The following OCM variants were observed in gnomAD, a reference collection of about 807,000 sequenced individuals.
OCM encodes oncomodulin.
A neutral mutation model predicts 14.1 loss-of-function variants in OCM; 18 were observed. The ratio of observed to expected loss-of-function variants is 1.28; its 90% CI spans 0.88 to 1.89. OCM has a LOEUF of 1.89. Among genes scored for constraint, OCM ranks in the 40% most tolerant of loss-of-function variants. The pLI is 0.00. For synonymous variants in OCM, 48 were observed against 51.0 expected, an observed-to-expected ratio of 0.94 and a Z score of 0.25; for missense variants, 140 against 137.6, an observed-to-expected ratio of 1.02 and a Z score of -0.09.
the OCM span, among the ~76,000 whole-genome samples, chr7:5,866,537 CCTT>C: frequency 6.6e-6 from 1 of 151,824 alleles, no homozygotes; most frequent in Admixed American, 6.6e-5. Context: ...TTTCCTGCCT[CCTT>C]GATAGGATGG....
At chr7:5,873,375 C>G in the OCM span, among the ~76,000 whole-genome samples, 1 of 151,946 alleles carries the variant, frequency 6.6e-6, no homozygotes, top group Non-Finnish European at 1.5e-5. Flanking sequence ...AAAACTCCAT[C>G]TCAAAAAAAA....
chr7:5,885,977 C>T (rs1271287085), intron 3 of OCM, 87 bp from the exon 4 acceptor site: 12 of 1,573,596 alleles, frequency 7.6e-6, no homozygotes, highest in Non-Finnish European at 1.0e-5. Flanking sequence ...TTGCTTCCTT[C>T]CCTCTTTGGA....
upstream of OCM, among the ~76,000 whole-genome samples, chr7:5,877,818 TCAA>T (rs1562528804): frequency 4.1e-5 from 1 of 24,210 alleles, no homozygotes; most frequent in African/African-American, 2.3e-4. Context: ...AGACTCCATC[TCAA>T]AAAAAAAAAA....
At chr7:5,883,810 G>C (rs1202435178) in intron 2 of OCM, 80 bp from the exon 3 acceptor site, 6 of 1,550,222 alleles carry the variant, frequency 3.9e-6, no homozygotes, top group Admixed American at 3.7e-5. Context: ...CAGGTGATAT[G>C]CTTAGAGGAA....
chr7:5,884,427 T>C (rs567803012), intron 3 of OCM, among the ~76,000 whole-genome samples: 14 of 152,320 alleles, frequency 9.2e-5, no homozygotes, highest in African/African-American at 3.1e-4. Flanking sequence ...GCCCTCTTCG[T>C]CTTCAAGGGT....
At chr7:5,862,569 G>A in the OCM span, among the ~76,000 whole-genome samples, 3 of 152,168 alleles carry the variant, frequency 2.0e-5, no homozygotes, top group Admixed American at 2.0e-4. Flanking sequence ...GATAAATGCA[G>A]CATGGCCCTA....
At chr7:5,874,447 G>C in the OCM span, among the ~76,000 whole-genome samples, 1 of 151,922 alleles carries the variant, frequency 6.6e-6, no homozygotes. Flanking sequence ...TATGTCAGAT[G>C]CATAGCATGA....
rs755888287 is a variant in OCM, at chr7:5,880,906, T to G, written c.17T>G (p.Val6Gly). MSITDVLSADDIAAAL... is the reference protein window; with the variant it reads MSITDGLSADDIAAAL... ...AGGTAGAAAATGAGCATCACGGACG[T>G]GCTCAGTGCTGACGACATTGCAGCA... The change falls in exon 1 of 4, where the codon GTG becomes GGG. Residue 6 changes from valine to glycine, a missense_variant. By Grantham distance (109) the Val-to-Gly change is moderately radical (BLOSUM62 -3). Transcript: ENST00000242104. The G allele has an allele frequency of 1.1e-5, 17 of 1,613,856 alleles. No individual in the cohort carries two copies. Among genetic ancestry groups the G allele is most frequent in the African/African-American group, 8.0e-5 (6 of 74,878 alleles).
At chr7:5,863,470 C>T in the OCM span, among the ~76,000 whole-genome samples, 3 of 150,658 alleles carry the variant, frequency 2.0e-5, no homozygotes, top group South Asian at 6.3e-4. Context: ...GAGAGGGTGG[C>T]AGGAATGGAA....
chr7:5,867,272 G>A, the OCM span, among the ~76,000 whole-genome samples: 3 of 152,018 alleles, frequency 2.0e-5, 1 homozygote, highest in African/African-American at 7.3e-5. Flanking sequence ...GGGCCCAGGA[G>A]TTCAAGACAA....
At chr7:5,867,066 T>C in the OCM span, among the ~76,000 whole-genome samples, 2 of 152,224 alleles carry the variant, frequency 1.3e-5, no homozygotes, top group African/African-American at 4.8e-5. Flanking sequence ...ACATTGGACG[T>C]TGAGGTGATT....
At chr7:5,881,677 T>C (rs1451401832) in intron 1 of OCM, among the ~76,000 whole-genome samples, 2 of 151,068 alleles carry the variant, frequency 1.3e-5, no homozygotes, top group East Asian at 1.9e-4. Flanking sequence ...GGAAAATTCA[T>C]GGAATCAGAG....
At chr7:5,880,976 G>A (rs1781203826) in intron 1 of OCM, 26 bp downstream of exon 1, 1 of 1,606,854 alleles carries the variant, frequency 6.2e-7, no homozygotes, top group East Asian at 2.2e-5. Context: ...GGCGGGGGTG[G>A]GATTTCCTCA....
chr7:5,861,831 G>A, the OCM span, among the ~76,000 whole-genome samples: 1 of 151,754 alleles, frequency 6.6e-6, no homozygotes, highest in Non-Finnish European at 1.5e-5. Context: ...CTACCGCCTC[G>A]GCCTCCCAAA....
chr7:5,869,801 C>A, the OCM span, among the ~76,000 whole-genome samples: 2 of 152,214 alleles, frequency 1.3e-5, no homozygotes, highest in South Asian at 4.2e-4. Context: ...CTCATCCTAA[C>A]CTCTCGGAAG....
upstream of OCM, among the ~76,000 whole-genome samples, chr7:5,875,008 T>C (rs1401539627): frequency 1.3e-5 from 2 of 151,668 alleles, no homozygotes; most frequent in African/African-American, 4.8e-5. Flanking sequence ...ACTGGAATTA[T>C]ACAATATCTC....
upstream of OCM, among the ~76,000 whole-genome samples, chr7:5,878,409 A>G (rs138718286): frequency 1.3e-5 from 2 of 151,918 alleles, no homozygotes; most frequent in East Asian, 3.9e-4. Flanking sequence ...TCGTTCAATA[A>G]TGCGCCAAGA....
chr7:5,869,572 A>T, the OCM span, among the ~76,000 whole-genome samples: 81,350 of 151,930 alleles, frequency 0.54, 23,665 homozygotes, highest in African/African-American at 0.76. Flanking sequence ...CACTCCAGCC[A>T]TGGCAACAGA....
the OCM span, among the ~76,000 whole-genome samples, chr7:5,867,863 G>C: frequency 6.6e-6 from 1 of 151,898 alleles, no homozygotes; most frequent in East Asian, 1.9e-4. Flanking sequence ...CTGGGCCCAG[G>C]TGATCCTCCC....
Sources: gnomAD v4.1 joint callset for allele counts (sites outside exome capture counted in the v4.1 genomes callset) on GRCh38, gnomAD v4.1.1 for gene constraint, MANE v1.5 for transcripts, NCBI Gene and HGNC (gene_info 2026-07-23, HGNC 2026-07-21) for gene names.